ST6GALNAC3: variants seen among roughly 807,000 people sequenced by gnomAD.
ST6GALNAC3 encodes the protein ST6 N-acetylgalactosaminide alpha-2,6-sialyltransferase 3.
In ST6GALNAC3, 25 loss-of-function variants were observed where a neutral mutation model predicts 32.7. The ratio of observed to expected loss-of-function variants is 0.76; its 90% CI spans 0.56 to 1.07. ST6GALNAC3 has a LOEUF of 1.07. Ranked by LOEUF, ST6GALNAC3 falls within the 50% of genes least tolerant of loss-of-function variation. ST6GALNAC3 has a pLI of 0.00. For missense variants in ST6GALNAC3, 355 were observed against 382.4 expected, an observed-to-expected ratio of 0.93 and a Z score of 0.60; for synonymous variants, 129 against 133.1, an observed-to-expected ratio of 0.97 and a Z score of 0.21.
At chr1:76,545,773 C>T (rs190163478) in intron 3 of ST6GALNAC3, among the ~76,000 whole-genome samples, 2 of 152,048 alleles carry the variant, frequency 1.3e-5, no homozygotes, top group East Asian at 3.9e-4. Context: ...TCTCCTGCCT[C>T]AGCCTCCCGA....
At chr1:76,080,790 C>T (rs1014362770) in intron 1 of ST6GALNAC3, among the ~76,000 whole-genome samples, 5 of 152,094 alleles carry the variant, frequency 3.3e-5, no homozygotes, top group South Asian at 4.2e-4. Context: ...AATCTGAAAC[C>T]GTAGGATAAC....
At chr1:76,134,916 G>GCAGA (rs1427284902) in intron 1 of ST6GALNAC3, among the ~76,000 whole-genome samples, 1 of 152,152 alleles carries the variant, frequency 6.6e-6, no homozygotes, top group Non-Finnish European at 1.5e-5. Context: ...GCCGAGGCAG[G>GCAGA]CAGATCACCT....
rs1462202707 is a variant in ST6GALNAC3 at position 76,631,506 on chromosome 1, T to C, written c.*2700T>C. 1 of 152,054 alleles carries C rather than the reference T, an allele frequency of 6.6e-6. No individual in the cohort carries two copies. The highest frequency in any genetic ancestry group is 1.5e-5 in the Non-Finnish European group (1 of 67,982). The allele number at this position is 152,054 out of a possible 1,614,324, so 9.4% of individuals were successfully genotyped here. On this transcript the variant is annotated 3_prime_UTR_variant, in exon 5 of 5. Transcript: ENST00000328299. ...AATAAATTTTTCATCTATGATTTGC[T>C]GATAGAGAAGAGCTTGGTAAGGGAG...
At chr1:76,463,953 G>A (rs1175451653) in intron 3 of ST6GALNAC3, among the ~76,000 whole-genome samples, 1 of 152,098 alleles carries the variant, frequency 6.6e-6, no homozygotes, top group African/African-American at 2.4e-5. Flanking sequence ...GGTTGGCTCT[G>A]TCTCTCTACT....
intron 3 of ST6GALNAC3, among the ~76,000 whole-genome samples, chr1:76,444,501 T>A (rs1329571555): frequency 6.6e-6 from 1 of 152,134 alleles, no homozygotes; most frequent in Non-Finnish European, 1.5e-5. Flanking sequence ...AAGAAGCAAA[T>A]TAAAACGTGA....
rs907698267 is a variant in ST6GALNAC3 at position 76,412,434 on chromosome 1, G to A, written c.623+17G>A. The A allele has an allele frequency of 1.3e-6, 2 of 1,570,938 alleles. No homozygotes were observed. ...GAAGGACAGGTGAGCCCTCTCTGAA[G>A]CAGCTTTATTGTCTTTTATTATCTT... On this transcript the variant is annotated intron_variant, in intron 3 of 4. Coordinates refer to ENST00000328299, the MANE Select transcript of ST6GALNAC3 (RefSeq NM_152996.4).
intron 2 of ST6GALNAC3, among the ~76,000 whole-genome samples, chr1:76,346,376 A>G (rs748988966): frequency 6.6e-5 from 10 of 152,142 alleles, no homozygotes; most frequent in South Asian, 2.1e-4. Flanking sequence ...GGATTCCCCA[A>G]CGGCTTTCCA....
chr1:76,324,874 A>G (rs1200948530), intron 2 of ST6GALNAC3, among the ~76,000 whole-genome samples: 3 of 152,142 alleles, frequency 2.0e-5, no homozygotes, highest in Non-Finnish European at 2.9e-5. Flanking sequence ...AACTATTCCA[A>G]AATATAAGGT....
At chr1:76,359,746 A>G (rs1165533554) in intron 2 of ST6GALNAC3, among the ~76,000 whole-genome samples, 1 of 152,214 alleles carries the variant, frequency 6.6e-6, no homozygotes, top group Non-Finnish European at 1.5e-5. Context: ...ATGGTGAGAC[A>G]ATTTGAGGCT....
chr1:76,378,759 T>C (rs188126326), intron 2 of ST6GALNAC3, among the ~76,000 whole-genome samples: 71 of 152,282 alleles, frequency 4.7e-4, no homozygotes, highest in Admixed American at 4.0e-3. Flanking sequence ...AGAATGGTCA[T>C]CTTAGGCTAT....
intron 1 of ST6GALNAC3, among the ~76,000 whole-genome samples, chr1:76,297,722 C>G (rs1271962013): frequency 6.6e-6 from 1 of 151,972 alleles, no homozygotes; most frequent in Non-Finnish European, 1.5e-5. Flanking sequence ...TGTACGAGAC[C>G]TAGCATGATT....
chr1:76,306,682 G>T (rs1002352353), intron 1 of ST6GALNAC3, among the ~76,000 whole-genome samples: 1,069 of 43,392 alleles, frequency 0.025, 17 homozygotes, highest in Admixed American at 0.06. Context: ...TTTTTTTTGG[G>T]GGGCGGGGGG....
intron 1 of ST6GALNAC3, among the ~76,000 whole-genome samples, chr1:76,185,954 T>C (rs1557681285): frequency 2.0e-5 from 3 of 152,246 alleles, no homozygotes; most frequent in Non-Finnish European, 2.9e-5. Flanking sequence ...TGATTTAAAG[T>C]ATACAGGAAT....
At chr1:76,405,902 T>C (rs1273833511) in intron 2 of ST6GALNAC3, among the ~76,000 whole-genome samples, 1 of 152,004 alleles carries the variant, frequency 6.6e-6, no homozygotes, top group Non-Finnish European at 1.5e-5. Context: ...TGAGTAATTA[T>C]AAAAATGCTA....
chr1:76,413,444 C>T (rs1329951728), intron 3 of ST6GALNAC3, among the ~76,000 whole-genome samples: 2 of 152,084 alleles, frequency 1.3e-5, no homozygotes, highest in African/African-American at 4.8e-5. Flanking sequence ...GTATGTATTT[C>T]ACTATTCAAT....
rs10635688 is a variant in ST6GALNAC3 at position 76,256,015 on chromosome 1, A to AACACACACACACACACAC, written c.19-57780_19-57763dup. Among the ~76,000 whole-genome samples the AACACACACACACACACAC allele has an allele frequency of 1.4e-3, 214 of 148,546 alleles. 2 individuals carry two copies. Among genetic ancestry groups the AACACACACACACACACAC allele is most frequent in the African/African-American group, 4.8e-3 (192 of 40,208 alleles). On this transcript the variant is annotated intron_variant, in intron 1 of 4. Coordinates refer to ENST00000328299, the MANE Select transcript of ST6GALNAC3 (RefSeq NM_152996.4). ...ATTTTTTCAAAAGACTGTCAGTGGTAACACACACACACACACACACACACA... is the reference window on the plus strand; with the variant it reads ...ATTTTTTCAAAAGACTGTCAGTGGTAACACACACACACACACACACACACACACACACACACACACACA...
At chr1:76,260,575 C>T (rs1360842168) in intron 1 of ST6GALNAC3, among the ~76,000 whole-genome samples, 1 of 152,142 alleles carries the variant, frequency 6.6e-6, no homozygotes, top group African/African-American at 2.4e-5. Flanking sequence ...GTGACTTCCC[C>T]AAGGTCACAG....
chr1:76,499,234 G>A (rs1395628156), intron 3 of ST6GALNAC3, among the ~76,000 whole-genome samples: 5 of 152,204 alleles, frequency 3.3e-5, no homozygotes, highest in Admixed American at 6.5e-5. Flanking sequence ...GGGAAAAACT[G>A]TTGGTGGGAG....
intron 1 of ST6GALNAC3, among the ~76,000 whole-genome samples, chr1:76,299,045 A>G (rs1034919587): frequency 6.6e-6 from 1 of 152,080 alleles, no homozygotes; most frequent in Non-Finnish European, 1.5e-5. Flanking sequence ...TACCATCTAA[A>G]AATAAAATGC....
Sources: gnomAD v4.1 joint callset for allele counts (sites outside exome capture counted in the v4.1 genomes callset) on GRCh38, gnomAD v4.1.1 for gene constraint, MANE v1.5 for transcripts, NCBI Gene and HGNC (gene_info 2026-07-23, HGNC 2026-07-21) for gene names.